The following MLLT10 variants were observed in gnomAD, a reference collection of about 807,000 sequenced individuals.
The protein encoded by MLLT10 is MLLT10 histone lysine methyltransferase DOT1L cofactor, also known as protein AF-10.
In MLLT10, 30 loss-of-function variants were observed where a neutral mutation model predicts 129.1. The ratio of observed to expected loss-of-function variants is 0.23; its 90% CI spans 0.17 to 0.32. MLLT10 has a LOEUF of 0.32. Among genes scored for constraint, MLLT10 ranks in the 10% least tolerant of loss-of-function variants. The probability of loss-of-function intolerance (pLI) is 1.00; values close to 1 mark genes in which losing one functional copy is unlikely to be tolerated. For synonymous variants in MLLT10, 490 were observed against 446.4 expected, an observed-to-expected ratio of 1.10 and a Z score of -1.23; for missense variants, 1,119 against 1,268.3, an observed-to-expected ratio of 0.88 and a Z score of 1.79.
intron 4 of MLLT10, among the ~76,000 whole-genome samples, chr10:21,592,440 G>GT (rs869260444): frequency 1.5e-3 from 210 of 143,986 alleles, no homozygotes; most frequent in South Asian, 2.2e-3. Flanking sequence ...GTTTTCTGTA[G>GT]TTTTTTTTTT....
chr10:21,558,886 A>C (rs1006901586), intron 3 of MLLT10, among the ~76,000 whole-genome samples: 4 of 152,140 alleles, frequency 2.6e-5, no homozygotes, highest in Non-Finnish European at 5.9e-5. Flanking sequence ...CTTCATATTA[A>C]TAATAACTCT....
chr10:21,660,079 T>C (rs564750808), intron 9 of MLLT10, among the ~76,000 whole-genome samples: 340 of 152,104 alleles, frequency 2.2e-3, no homozygotes, highest in Non-Finnish European at 4.1e-3. Context: ...TACTCCCACC[T>C]CAGCCTCCTG....
At chr10:21,556,367 T>C (rs1188838883) in intron 3 of MLLT10, among the ~76,000 whole-genome samples, 1 of 152,188 alleles carries the variant, frequency 6.6e-6, no homozygotes, top group Non-Finnish European at 1.5e-5. Context: ...GTTCTTAGCT[T>C]AGTAAGAGAG....
intron 12 of MLLT10, among the ~76,000 whole-genome samples, chr10:21,681,776 G>A (rs1050385564): frequency 6.6e-6 from 1 of 151,994 alleles, no homozygotes; most frequent in Non-Finnish European, 1.5e-5. Context: ...TTATACTGAA[G>A]TCTAGGAAAT....
chr10:21,686,584 C>T (rs1343726984), intron 13 of MLLT10, among the ~76,000 whole-genome samples: 1 of 152,126 alleles, frequency 6.6e-6, no homozygotes, highest in Non-Finnish European at 1.5e-5. Flanking sequence ...GAAGTTATTT[C>T]ACATACCCAA....
intron 14 of MLLT10, 104 bp from the exon 15 acceptor site, chr10:21,726,140 A>C (rs775287575): frequency 3.3e-5 from 25 of 766,370 alleles, no homozygotes; most frequent in Non-Finnish European, 5.1e-5. Context: ...AATTTTGCTT[A>C]TATTCTTAGG....
intron 2 of MLLT10, among the ~76,000 whole-genome samples, chr10:21,535,830 T>C (rs2033878015): frequency 1.3e-5 from 2 of 152,232 alleles, no homozygotes; most frequent in South Asian, 2.1e-4. Context: ...GTGCATTTTG[T>C]AGAGAAACGA....
At chr10:21,695,385 T>C (rs1230638456) in intron 13 of MLLT10, among the ~76,000 whole-genome samples, 1 of 152,206 alleles carries the variant, frequency 6.6e-6, no homozygotes, top group Non-Finnish European at 1.5e-5. Flanking sequence ...ACCAATAGCC[T>C]TAATTCGGTC....
chr10:21,537,339 C>T (rs1259851586), intron 2 of MLLT10, among the ~76,000 whole-genome samples: 1 of 152,054 alleles, frequency 6.6e-6, no homozygotes, highest in African/African-American at 2.4e-5. Context: ...CCTCTGTCGC[C>T]CAGGCTGGAA....
intron 9 of MLLT10, among the ~76,000 whole-genome samples, chr10:21,652,072 C>G (rs1004609796): frequency 6.6e-6 from 1 of 151,962 alleles, no homozygotes; most frequent in Non-Finnish European, 1.5e-5. Flanking sequence ...GCCACTGTGC[C>G]TGGCCAATTT....
At chr10:21,564,361 A>T (rs550813052) in intron 3 of MLLT10, 1 of 152,176 alleles carries the variant, frequency 6.6e-6, no homozygotes, top group South Asian at 2.1e-4. Context: ...AAGTGCTGGG[A>T]TTACAGGCCA....
chr10:21,628,958 A>C (rs1371842809), intron 8 of MLLT10, among the ~76,000 whole-genome samples: 2 of 151,476 alleles, frequency 1.3e-5, no homozygotes, highest in Non-Finnish European at 2.9e-5. Context: ...CATGTTGGCC[A>C]GGCTGGTCTT....
chr10:21,713,344 A>G (rs1401837971), intron 13 of MLLT10, among the ~76,000 whole-genome samples: 1 of 152,180 alleles, frequency 6.6e-6, no homozygotes, highest in Non-Finnish European at 1.5e-5. Context: ...TTTCTAGAAC[A>G]AGGTCTCTTC....
chr10:21,621,535 G>A (rs1487742804), intron 8 of MLLT10, among the ~76,000 whole-genome samples: 4 of 152,106 alleles, frequency 2.6e-5, no homozygotes, highest in Admixed American at 6.5e-5. Flanking sequence ...GTGAGCTACC[G>A]CGCCCAGCCA....
chr10:21,603,563 G>C (rs547100439), intron 5 of MLLT10, among the ~76,000 whole-genome samples: 1 of 152,248 alleles, frequency 6.6e-6, no homozygotes, highest in Admixed American at 6.5e-5. Context: ...CAAACAACCT[G>C]TGTAGATTCA....
At position 21,644,853 on chromosome 10, in the gene MLLT10, A is replaced by C. The variant is rs371571373; in HGVS notation, c.700-6820A>C. 2.6e-5 allele frequency among the ~76,000 whole-genome samples: 4 copies of C among 151,868 alleles called. No homozygotes were observed. In the East Asian group the frequency reaches 7.8e-4, roughly 30 times the overall value. ...ATTGTGTTGCCCAGGCTGATGTCCA[A>C]CTCCTGGCCTCAAGTGATTCTCTCA... On this transcript the variant is annotated intron_variant, in intron 8 of 22. Coordinates refer to ENST00000307729, the MANE Select transcript of MLLT10 (RefSeq NM_001195626.3).
intron 6 of MLLT10, among the ~76,000 whole-genome samples, chr10:21,612,960 G>A (rs1014059145): frequency 3.7e-4 from 57 of 152,088 alleles, no homozygotes; most frequent in African/African-American, 7.7e-4. Context: ...TTGGGAGGCC[G>A]AGGTGGGTGG....
chr10:21,627,156 A>G (rs2046532150), intron 8 of MLLT10, among the ~76,000 whole-genome samples: 1 of 152,122 alleles, frequency 6.6e-6, no homozygotes, highest in African/African-American at 2.4e-5. Context: ...ATTTTACCAT[A>G]TTAATGTTAC....
At chr10:21,674,990 TAAG>T (rs1278044549) in intron 11 of MLLT10, among the ~76,000 whole-genome samples, 5 of 149,412 alleles carry the variant, frequency 3.3e-5, no homozygotes, top group Non-Finnish European at 7.4e-5. Context: ...AATAAACAAA[TAAG>T]AAAGACCAGT....
Sources: allele counts gnomAD v4.1 joint callset (sites outside exome capture counted in the v4.1 genomes callset), GRCh38; gene constraint gnomAD v4.1.1; transcripts MANE v1.5; gene names NCBI Gene and HGNC (gene_info 2026-07-23, HGNC 2026-07-21).